The following FGD4 variants were observed in gnomAD, a reference collection of about 807,000 sequenced individuals.
FGD4 encodes the protein FYVE, RhoGEF and PH domain-containing protein 4.
A neutral mutation model predicts 102.0 loss-of-function variants in FGD4; 42 were observed. The ratio of observed to expected loss-of-function variants is 0.41; its 90% confidence interval spans 0.32 to 0.53. The LOEUF (loss-of-function observed/expected upper bound fraction) is 0.53, where lower values mean the gene tolerates loss of function less well. Ranked by LOEUF, FGD4 falls within the 20% of genes least tolerant of loss-of-function variation. The probability of loss-of-function intolerance (pLI) is 0.21; values close to 1 mark genes in which losing one functional copy is unlikely to be tolerated. For synonymous variants in FGD4, 380 were observed against 375.7 expected (o/e 1.01, Z -0.13); for missense variants, 902 against 1,078.2 (o/e 0.84, Z 2.29).
intron 1 of FGD4, among the ~76,000 whole-genome samples, chr12:32,535,573 T>G (rs1445905745): frequency 1.3e-5 from 2 of 151,916 alleles, no homozygotes; most frequent in Non-Finnish European, 2.9e-5. Flanking sequence ...GTTCCACCAC[T>G]CTTGCATAAA....
At chr12:32,424,393 A>T (rs1011475893) in intron 1 of FGD4, among the ~76,000 whole-genome samples, 1 of 152,208 alleles carries the variant, frequency 6.6e-6, no homozygotes, top group African/African-American at 2.4e-5. Flanking sequence ...TGCAAAGGAC[A>T]TGAACTCATT....
At position 32,576,434 on chromosome 12, in the gene FGD4, G is replaced by T. The variant is rs540449675; in HGVS notation, c.488G>T (p.Arg163Leu). 6 of 1,614,116 alleles carry T rather than the reference G, an allele frequency of 3.7e-6. No homozygotes were observed. In the South Asian group the frequency reaches 6.6e-5, roughly 18 times the overall value. The stretch of plus-strand genomic sequence containing the variant: ...AGTAAGGTATCAGATCTCATCAGTC[G>T]CTTTGAAGGAGGCAGGTAAGAGCTA... ...KPSKVSDLIS[R>L]FEGGSSLSNY... is the part of the protein sequence containing the mutation. The change falls in exon 3 of 17, where the codon CGC becomes CTC. Residue 163 changes from arginine (R) to leucine (L), a missense_variant. Around this residue, in one of 2 missense-constraint regions of FGD4, gnomAD observed 443 missense variants for 459.2 expected, o/e 0.96. Transcript: ENST00000534526.
At chr12:32,427,270 G>T (rs1941872251) in intron 1 of FGD4, among the ~76,000 whole-genome samples, 1 of 152,072 alleles carries the variant, frequency 6.6e-6, no homozygotes, top group African/African-American at 2.4e-5. Flanking sequence ...TTGTTTCTTT[G>T]TTCTCATGGG....
At chr12:32,426,459 G>A (rs550161512) in intron 1 of FGD4, among the ~76,000 whole-genome samples, 45 of 152,182 alleles carry the variant, frequency 3.0e-4, no homozygotes, top group South Asian at 1.5e-3. Flanking sequence ...TGCTGGATTC[G>A]GTTTACTAGT....
intron 1 of FGD4, among the ~76,000 whole-genome samples, chr12:32,479,888 A>G (rs1454163596): frequency 1.4e-5 from 2 of 147,512 alleles, no homozygotes; most frequent in Non-Finnish European, 3.0e-5. Flanking sequence ...TCCCAAGTTC[A>G]AGTGATTCTC....
At chr12:32,621,177 C>A (rs1348673162) in intron 11 of FGD4, among the ~76,000 whole-genome samples, 1 of 151,978 alleles carries the variant, frequency 6.6e-6, no homozygotes, top group East Asian at 2.0e-4. Flanking sequence ...GAGTTCTAGA[C>A]CAGCCTGGCC....
Position 32,399,724 on chromosome 12 carries a change from GC to G in FGD4, c.-64del. 2 of 1,498,300 alleles carry G rather than the reference GC, an allele frequency of 1.3e-6. No individual in the cohort carries two copies. Among genetic ancestry groups the G allele is most frequent in the Non-Finnish European group, 1.8e-6 (2 of 1,132,960 alleles). The allele number at this position is 1,498,300 out of a possible 1,614,324, so 92.8% of individuals were successfully genotyped here. A position where few individuals can be genotyped will look rare whatever the true frequency, so the allele number is the denominator to read the frequency against. ...CGCCGAACCTGGGCATGCAGGCGAC[GC>G]CCCCCAGGGGCCGCTCGCGGCTGGA... On this transcript the variant is annotated 5_prime_UTR_variant, in exon 1 of 17. Transcript: ENST00000534526.
rs1267043755 is a variant in FGD4, at chr12:32,561,070, G to GTTTTTTTTTTTTTTTT, written c.167-3063_167-3062insTTTTTTTTTTTTTTTT. Among the ~76,000 whole-genome samples, 88 of 90,802 alleles carry GTTTTTTTTTTTTTTTT rather than the reference G, an allele frequency of 9.7e-4. 23 individuals carry two copies. Among genetic ancestry groups the GTTTTTTTTTTTTTTTT allele is most frequent in the Non-Finnish European group, 1.3e-3 (59 of 46,048 alleles). The allele number at this position is 90,802 out of a possible 152,430, so 59.6% of individuals were successfully genotyped here. A position where few individuals can be genotyped will look rare whatever the true frequency, so the allele number is the denominator to read the frequency against. ...AGCAGAAATGTGGTTTCTTTGTTGG[G>GTTTTTTTTTTTTTTTT]TTTTGTTTTTTTTTTTTTTTTTTTT... On this transcript the variant is annotated intron_variant, in intron 1 of 16. Coordinates refer to ENST00000534526, the MANE Select transcript of FGD4 (RefSeq NM_001370298.3).
chr12:32,420,084 G>C (rs1454779662), intron 1 of FGD4, among the ~76,000 whole-genome samples: 1 of 152,162 alleles, frequency 6.6e-6, no homozygotes, highest in Non-Finnish European at 1.5e-5. Context: ...TATGTAGTTA[G>C]TTGTTAAAAT....
intron 15 of FGD4, among the ~76,000 whole-genome samples, chr12:32,638,392 A>G (rs1325228405): frequency 6.6e-6 from 1 of 152,226 alleles, no homozygotes; most frequent in Non-Finnish European, 1.5e-5. Flanking sequence ...ATTAAATGAA[A>G]TAAGACATGT....
intron 1 of FGD4, among the ~76,000 whole-genome samples, chr12:32,532,726 G>A (rs1485452158): frequency 6.6e-6 from 1 of 152,100 alleles, no homozygotes; most frequent in Non-Finnish European, 1.5e-5. Flanking sequence ...AAGGCTAAGT[G>A]GTCTTGGAAC....
chr12:32,432,445 AT>A (rs1942081437), intron 1 of FGD4, among the ~76,000 whole-genome samples: 1 of 151,746 alleles, frequency 6.6e-6, no homozygotes, highest in African/African-American at 2.4e-5. Flanking sequence ...GTGAAACCCC[AT>A]TTCTACTGAA....
chr12:32,440,765 G>A (rs1942407335), intron 1 of FGD4, among the ~76,000 whole-genome samples: 1 of 152,176 alleles, frequency 6.6e-6, no homozygotes, highest in Non-Finnish European at 1.5e-5. Flanking sequence ...GGGCGGCAAG[G>A]TCCCCCACAG....
chr12:32,516,995 C>T (rs1164447637), intron 1 of FGD4, among the ~76,000 whole-genome samples: 2 of 152,108 alleles, frequency 1.3e-5, no homozygotes, highest in Non-Finnish European at 2.9e-5. Context: ...AATTTCAGGT[C>T]TAGCATAGTT....
At chr12:32,553,382 C>T (rs6488063) in intron 1 of FGD4, among the ~76,000 whole-genome samples, 50,378 of 152,054 alleles carry the variant, frequency 0.33, 9,909 homozygotes, top group African/African-American at 0.54. Context: ...TTTATCCTTT[C>T]AGGGTAGCAA....
chr12:32,495,023 A>G (rs2136593880), intron 1 of FGD4, among the ~76,000 whole-genome samples: 1 of 152,252 alleles, frequency 6.6e-6, no homozygotes, highest in Middle Eastern at 3.4e-3. Context: ...CAGGAAGTCA[A>G]TTGTTTGTCA....
At chr12:32,479,646 TTTTTCATACA>T (rs1482890497) in intron 1 of FGD4, among the ~76,000 whole-genome samples, 3 of 150,424 alleles carry the variant, frequency 2.0e-5, no homozygotes, top group African/African-American at 7.3e-5. Context: ...CTCTAAAGAT[TTTTTCATACA>T]TTTCACTTTT....
At chr12:32,457,947 A>G (rs1215883491) in intron 1 of FGD4, among the ~76,000 whole-genome samples, 2 of 151,772 alleles carry the variant, frequency 1.3e-5, no homozygotes, top group South Asian at 2.1e-4. Context: ...TAATGACAGG[A>G]TTGTTTTCTT....
intron 11 of FGD4, among the ~76,000 whole-genome samples, chr12:32,620,497 A>G (rs1374850619): frequency 2.8e-5 from 4 of 142,174 alleles, no homozygotes; most frequent in Non-Finnish European, 6.1e-5. Flanking sequence ...ACATTCCCCT[A>G]GCCATAACCA....
Sources: gnomAD v4.1 joint callset for allele counts (sites outside exome capture counted in the v4.1 genomes callset) on GRCh38, gnomAD v4.1.1 for gene constraint, gnomAD v4.1.1 regional missense constraint, MANE v1.5 for transcripts, NCBI Gene and HGNC (gene_info 2026-07-23, HGNC 2026-07-21) for gene names.